The following RPS4X variants were observed in gnomAD, a reference collection of about 807,000 sequenced individuals.
RPS4X encodes ribosomal protein S4 X-linked, also known as small ribosomal subunit protein eS4, X isoform.
For synonymous variants in RPS4X, 76 were observed against 76.8 expected, an observed-to-expected ratio of 0.99 and a Z score of 0.06; for missense variants, 90 against 219.1, an observed-to-expected ratio of 0.41 and a Z score of 3.72.
intron 4 of RPS4X, chrX:72,274,797 T>C (rs1037859446): frequency 3.7e-5 from 12 of 320,488 alleles, no homozygotes; most frequent in African/African-American, 3.2e-4. Flanking sequence ...GAAAATCTGC[T>C]GAGGAAGTTA....
chrX:72,277,037 C>T (rs1346635575), intron 1 of RPS4X, among the ~76,000 whole-genome samples, 156 bp downstream of exon 1: 1 of 112,828 alleles, frequency 8.9e-6, no homozygotes, highest in African/African-American at 3.2e-5. Flanking sequence ...AGCGTTCGCC[C>T]TTCGCCCTGG....
chrX:72,275,184 G>T, intron 3 of RPS4X, 34 bp from the exon 4 acceptor site: 1 of 981,183 alleles, frequency 1.0e-6, no homozygotes, highest in Non-Finnish European at 1.4e-6. Context: ...ACTACATACA[G>T]TGATCCCCAC....
At chrX:72,273,635 A>G (rs1362997432) in intron 5 of RPS4X, among the ~76,000 whole-genome samples, 166 bp downstream of exon 5, 1 of 111,621 alleles carries the variant, frequency 9.0e-6, no homozygotes, top group Admixed American at 9.5e-5. Flanking sequence ...TAAAAAACAA[A>G]CAATTTAAAG....
Position 72,272,377 on chromosome X carries a change from A to C in RPS4X, c.*294T>G. 4.0e-6 allele frequency: 1 copy of C among 251,945 alleles called. No individual in the cohort carries two copies. Among genetic ancestry groups the C allele is most frequent in the Non-Finnish European group, 7.1e-6 (1 of 141,835 alleles). The allele number at this position is 251,945 out of a possible 1,213,427, so 20.8% of individuals were successfully genotyped here. A position where few individuals can be genotyped will look rare whatever the true frequency, so the allele number is the denominator to read the frequency against. On this transcript the variant is annotated 3_prime_UTR_variant, in exon 7 of 7. Coordinates refer to ENST00000316084, the MANE Select transcript of RPS4X (RefSeq NM_001007.5). Reference sequence around the variant, plus strand: ...CCACTGTGTAGAGAAGTTCTTGGCCAAGTCAAGGCGGGGGAGATAAATACT... The same window carrying C: ...CCACTGTGTAGAGAAGTTCTTGGCCCAGTCAAGGCGGGGGAGATAAATACT...
At position 72,272,547 on chromosome X, in the gene RPS4X, T is replaced by C. The variant is rs1300951706; in HGVS notation, c.*124A>G. ...GAGAACTTAATCACTGTTCATGTTATACAGTAAAATAGCAGGAAACTGAAT... is the reference window on the plus strand; with the variant it reads ...GAGAACTTAATCACTGTTCATGTTACACAGTAAAATAGCAGGAAACTGAAT... On this transcript the variant is annotated 3_prime_UTR_variant, in exon 7 of 7. Transcript: ENST00000316084. 4.3e-6 allele frequency: 2 copies of C among 464,084 alleles called. No individual in the cohort carries two copies. Among genetic ancestry groups the C allele is most frequent in the African/African-American group, 5.0e-5 (2 of 39,763 alleles). The allele number at this position is 464,084 out of a possible 1,213,427, so 38.2% of individuals were successfully genotyped here.
At chrX:72,273,770 A>T in intron 5 of RPS4X, 31 bp downstream of exon 5, 1 of 1,174,314 alleles carries the variant, frequency 8.5e-7, no homozygotes, top group Non-Finnish European at 1.2e-6. Context: ...GGCCTTAAAG[A>T]GGGTGCCCAG....
At position 72,272,557 on chromosome X, in the gene RPS4X, T is replaced by C. The variant is rs1300438474; in HGVS notation, c.*114A>G. The stretch of plus-strand genomic sequence containing the variant: ...TCACTGTTCATGTTATACAGTAAAA[T>C]AGCAGGAAACTGAATTAAAAAAAAA... On this transcript the variant is annotated 3_prime_UTR_variant, in exon 7 of 7. Coordinates refer to ENST00000316084, the MANE Select transcript of RPS4X (RefSeq NM_001007.5). 1 of 483,241 alleles carries C rather than the reference T, an allele frequency of 2.1e-6. No homozygotes were observed. The highest frequency in any genetic ancestry group is 3.5e-6 in the Non-Finnish European group (1 of 283,949). The allele number at this position is 483,241 out of a possible 1,213,427, so 39.8% of individuals were successfully genotyped here.
chrX:72,272,758 C>A lies in RPS4X; in HGVS notation c.705G>T (p.Trp235Cys). ...TACCCTTTCCTCGGGGAAGAGAAAT[C>A]CATGGTTTGTTGCCCTGGAAGAGAA... ...IFVIGKGNKP[W>C]ISLPRGKGIR... is the part of the protein sequence containing the mutation. The change falls in exon 7 of 7, where the codon TGG becomes TGT. Residue 235 changes from tryptophan to cysteine, a missense_variant. Transcript: ENST00000316084. 2 of 1,207,302 alleles carry A rather than the reference C, an allele frequency of 1.7e-6. No individual in the cohort carries two copies. Among genetic ancestry groups the A allele is most frequent in the Non-Finnish European group, 2.2e-6 (2 of 892,011 alleles).
Position 72,273,967 on chromosome X carries a change from C to T in RPS4X, c.366G>A (p.Lys122=), listed in dbSNP as rs144104112. 2.1e-4 allele frequency: 251 copies of T among 1,207,872 alleles called. No homozygotes were observed. The African/African-American group carries it at 3.9e-3, about 19-fold the overall frequency. Reference sequence around the variant, plus strand: ...CAAAGATCTTTCTCACTTTGCACAACTTGTACTAGAAAAATACAAGGGTTA... The same window carrying T: ...CAAAGATCTTTCTCACTTTGCACAATTTGTACTAGAAAAATACAAGGGTTA... ...HRITPEEAKY[K]LCKVRKIFVG... The change falls in exon 5 of 7, where the codon AAG becomes AAA. Residue 122 remains lysine, a synonymous_variant. Transcript: ENST00000316084.
At chrX:72,275,206 G>A (rs1344283696) in intron 3 of RPS4X, 56 bp from the exon 4 acceptor site, 32 of 799,025 alleles carry the variant, frequency 4.0e-5, no homozygotes, top group East Asian at 6.5e-5. Context: ...ACCTCATGCC[G>A]AGCAACAACC....
rs2043198825 is a variant in RPS4X at position 72,275,491 on chromosome X, A to G, written c.262+53T>C. The G allele has an allele frequency of 3.1e-6, 3 of 955,321 alleles. No homozygotes were observed. The South Asian group carries it at 6.2e-5, about 20-fold the overall frequency. The allele number at this position is 955,321 out of a possible 1,213,427, so 78.7% of individuals were successfully genotyped here. A position where few individuals can be genotyped will look rare whatever the true frequency, so the allele number is the denominator to read the frequency against. ...GAAAAATGATCAAGACAGTATTTGG[A>G]TACCATAGGGCTGCCATCAATATGC... On this transcript the variant is annotated intron_variant, in intron 3 of 6. Transcript: ENST00000316084.
chrX:72,272,660 A>G lies in RPS4X; in HGVS notation c.*11T>C, dbSNP rs373139828. The G allele has an allele frequency of 1.4e-5, 16 of 1,131,644 alleles. No homozygotes were observed. The African/African-American group carries it at 2.9e-4, about 20-fold the overall frequency. 93.3% of individuals were successfully genotyped at this position (1,131,644 alleles called of 1,213,427 possible). On this transcript the variant is annotated 3_prime_UTR_variant, in exon 7 of 7. Coordinates refer to ENST00000316084, the MANE Select transcript of RPS4X (RefSeq NM_001007.5). ...CGTACAAAGATCTGACATGTCACCC[A>G]GGGACCCATTTCACCCACTGCTCTG...
rs1399020504 is a variant in RPS4X at position 72,273,271 on chromosome X, G to A, written c.651C>T (p.Ser217=). 2.2e-5 allele frequency: 26 copies of A among 1,208,345 alleles called. No individual in the cohort carries two copies. Among genetic ancestry groups the A allele is most frequent in the Non-Finnish European group, 2.7e-5 (24 of 894,360 alleles). ...VVHVKDANGN[S]FATRLSNIFV... is the part of the protein sequence containing the mutation. ...AAATGTTGGAAAGTCGAGTGGCAAA[G>A]CTGTTGCCATTGGCATCTTTCACGT... The change falls in exon 6 of 7, where the codon AGC becomes AGT. Residue 217 remains serine, a synonymous_variant. Coordinates refer to ENST00000316084, the MANE Select transcript of RPS4X (RefSeq NM_001007.5).
Position 72,273,946 on chromosome X carries a change from G to A in RPS4X, c.387C>T (p.Ile129=). Residue 129 remains isoleucine, a synonymous_variant, in exon 5 of 7, where the codon ATC becomes ATT. Coordinates refer to ENST00000316084, the MANE Select transcript of RPS4X (RefSeq NM_001007.5). ...GAGGGATTCCTTTTGTGCCCACAAA[G>A]ATCTTTCTCACTTTGCACAACTTGT... ...AKYKLCKVRK[I]FVGTKGIPHL... is the part of the protein sequence containing the mutation. 2 of 1,211,008 alleles carry A rather than the reference G, an allele frequency of 1.7e-6. No homozygotes were observed. Among genetic ancestry groups the A allele is most frequent in the Non-Finnish European group, 2.2e-6 (2 of 894,950 alleles).
rs1305553144 is a variant in RPS4X, at chrX:72,277,217, A to G, written c.-22T>C. 8.3e-7 allele frequency: 1 copy of G among 1,208,234 alleles called. No homozygotes were observed. The highest frequency in any genetic ancestry group is 1.1e-6 in the Non-Finnish European group (1 of 893,797). On this transcript the variant is annotated 5_prime_UTR_variant, in exon 1 of 7. Coordinates refer to ENST00000316084, the MANE Select transcript of RPS4X (RefSeq NM_001007.5). ...CCATGGCTGCGTTAGGCAAGGAAAG[A>G]GGACCTCCGTCTTCCGGTGCGCGTA... is the stretch of plus-strand genomic sequence containing the variant.
rs779754871 is a variant in RPS4X at position 72,275,179 on chromosome X, A to G, written c.263-29T>C. 13 of 1,012,445 alleles carry G rather than the reference A, an allele frequency of 1.3e-5. 1 individual carries two copies. Among genetic ancestry groups the G allele is most frequent in the Non-Finnish European group, 1.8e-5 (13 of 717,622 alleles). 83.4% of individuals were successfully genotyped at this position (1,012,445 alleles called of 1,213,427 possible). On this transcript the variant is annotated intron_variant, in intron 3 of 6. Transcript: ENST00000316084. Reference sequence around the variant, plus strand: ...AAATCAAGCAGTAACCGGTTACTACATACAGTGATCCCCACTACCTCATGC... The same window carrying G: ...AAATCAAGCAGTAACCGGTTACTACGTACAGTGATCCCCACTACCTCATGC...
At chrX:72,276,586 A>T (rs766230860) in intron 1 of RPS4X, among the ~76,000 whole-genome samples, 1 of 112,157 alleles carries the variant, frequency 8.9e-6, no homozygotes, top group East Asian at 2.8e-4. Flanking sequence ...TGAAACGCAC[A>T]GCAACAGAAA....
chrX:72,272,917 G>C, intron 6 of RPS4X, 145 bp from the exon 7 acceptor site: 2 of 475,513 alleles, frequency 4.2e-6, no homozygotes, highest in Non-Finnish European at 7.3e-6. Context: ...GCAAGACACA[G>C]ATGCTGGTTA....
chrX:72,277,020 C>G (rs2043207707), intron 1 of RPS4X, among the ~76,000 whole-genome samples, 173 bp downstream of exon 1: 1 of 112,488 alleles, frequency 8.9e-6, no homozygotes, highest in South Asian at 3.7e-4. Context: ...CTCCCCAACC[C>G]TAGGCCAGCG....
Sources: allele counts gnomAD v4.1 joint callset (sites outside exome capture counted in the v4.1 genomes callset), GRCh38; gene constraint gnomAD v4.1.1; transcripts MANE v1.5; gene names NCBI Gene and HGNC (gene_info 2026-07-23, HGNC 2026-07-21).